The following DIAPH2 variants were observed in gnomAD, a reference collection of about 807,000 sequenced individuals.
DIAPH2 encodes the protein diaphanous related formin 2, also known as protein diaphanous homolog 2.
DIAPH2 carries 35 observed loss-of-function variants against 92.7 expected under a neutral mutation model. That is an observed-to-expected ratio of 0.38 (90% CI 0.29 to 0.50). The LOEUF (loss-of-function observed/expected upper bound fraction) is 0.50, where lower values mean the gene tolerates loss of function less well. Among genes scored for constraint, DIAPH2 ranks in the 20% least tolerant of loss-of-function variants. The probability of loss-of-function intolerance (pLI) is 0.94; values close to 1 mark genes in which losing one functional copy is unlikely to be tolerated. For missense variants in DIAPH2, 701 were observed against 819.5 expected (o/e 0.86, Z 1.77); for synonymous variants, 301 against 280.4 (o/e 1.07, Z -0.73).
At chrX:96,988,426 C>CTTTTT (rs1174961716) in intron 17 of DIAPH2, among the ~76,000 whole-genome samples, 1 of 103,697 alleles carries the variant, frequency 9.6e-6, no homozygotes, top group Admixed American at 1.0e-4. Context: ...GGATGCAGTA[C>CTTTTT]TTTTTTTTTT....
At chrX:97,546,729 G>T (rs1048291603) in intron 26 of DIAPH2, among the ~76,000 whole-genome samples, 5 of 110,593 alleles carry the variant, frequency 4.5e-5, no homozygotes, top group African/African-American at 1.6e-4. Context: ...CCAGCTACTC[G>T]GGAGGCTGAG....
chrX:97,457,246 C>T (rs1450011961), intron 26 of DIAPH2, among the ~76,000 whole-genome samples: 1 of 111,954 alleles, frequency 8.9e-6, no homozygotes, highest in Non-Finnish European at 1.9e-5. Flanking sequence ...TTCTCCAACT[C>T]CTGAGCTCAA....
At chrX:96,694,944 G>T (rs1485844345) in intron 1 of DIAPH2, among the ~76,000 whole-genome samples, 1 of 107,176 alleles carries the variant, frequency 9.3e-6, no homozygotes, top group Non-Finnish European at 1.9e-5. Flanking sequence ...ACTAGCTAAT[G>T]GTCTTTTTTT....
At chrX:96,814,441 G>T (rs2064714168) in intron 4 of DIAPH2, among the ~76,000 whole-genome samples, 1 of 111,341 alleles carries the variant, frequency 9.0e-6, no homozygotes, top group Non-Finnish European at 1.9e-5. Context: ...TTTTTTCTAG[G>T]TTTTTAGCTT....
chrX:97,462,660 A>G (rs1246388648), intron 26 of DIAPH2, among the ~76,000 whole-genome samples: 2 of 111,812 alleles, frequency 1.8e-5, no homozygotes, highest in South Asian at 3.8e-4. Context: ...GGCTTAAGCT[A>G]TTATCTGTCA....
intron 26 of DIAPH2, among the ~76,000 whole-genome samples, chrX:97,438,137 G>GA (rs201855867): frequency 6.5e-5 from 6 of 93,017 alleles, no homozygotes; most frequent in Admixed American, 1.2e-4. Context: ...AAAAAAAAAA[G>GA]AAAAAAAAAA....
intron 9 of DIAPH2, among the ~76,000 whole-genome samples, chrX:96,920,835 C>A (rs1389828961): frequency 8.9e-6 from 1 of 111,939 alleles, no homozygotes; most frequent in Non-Finnish European, 1.9e-5. Context: ...CATATGCAGA[C>A]CACAATTTAA....
At chrX:97,119,507 G>A (rs1482417845) in intron 21 of DIAPH2, among the ~76,000 whole-genome samples, 1 of 112,083 alleles carries the variant, frequency 8.9e-6, no homozygotes, top group East Asian at 2.8e-4. Context: ...GTGGTTTAAT[G>A]TTCTATTTTT....
intron 23 of DIAPH2, among the ~76,000 whole-genome samples, chrX:97,346,995 C>G (rs2069162801): frequency 9.1e-6 from 1 of 110,055 alleles, no homozygotes; most frequent in Admixed American, 9.8e-5. Context: ...TCACCTTCTT[C>G]CTTCTCTGTT....
At chrX:97,235,872 G>A (rs974143127) in intron 22 of DIAPH2, among the ~76,000 whole-genome samples, 2 of 111,485 alleles carry the variant, frequency 1.8e-5, no homozygotes, top group Admixed American at 1.9e-4. Flanking sequence ...GCTTTCAGTA[G>A]TGAGGAACTT....
At chrX:97,397,122 C>G (rs1477350159) in intron 25 of DIAPH2, among the ~76,000 whole-genome samples, 1 of 111,612 alleles carries the variant, frequency 9.0e-6, no homozygotes, top group Non-Finnish European at 1.9e-5. Flanking sequence ...TTTAAGAAAG[C>G]AATTATACCT....
intron 4 of DIAPH2, among the ~76,000 whole-genome samples, chrX:96,836,033 T>C (rs1406777784): frequency 9.0e-6 from 1 of 111,024 alleles, no homozygotes; most frequent in Non-Finnish European, 1.9e-5. Flanking sequence ...CAGGCTGTTC[T>C]CAAACTCCTG....
At chrX:96,902,959 TC>T (rs2065408369) in intron 5 of DIAPH2, among the ~76,000 whole-genome samples, 1 of 111,589 alleles carries the variant, frequency 9.0e-6, no homozygotes, top group Non-Finnish European at 1.9e-5. Flanking sequence ...GCTAAAAATG[TC>T]TGTGAACATT....
chrX:97,441,271 CG>C (rs1447837226), intron 26 of DIAPH2, among the ~76,000 whole-genome samples: 2 of 109,817 alleles, frequency 1.8e-5, no homozygotes, highest in African/African-American at 6.6e-5. Context: ...CAAAATTAGC[CG>C]GGCATGGTGG....
intron 23 of DIAPH2, among the ~76,000 whole-genome samples, chrX:97,312,345 C>CTTTTT (rs56309139): frequency 1.8e-5 from 1 of 54,947 alleles, no homozygotes; most frequent in African/African-American, 7.7e-5. Context: ...CAATAGAATC[C>CTTTTT]TTTTTTTTTT....
chrX:96,816,269 G>C (rs931253808), intron 4 of DIAPH2, among the ~76,000 whole-genome samples: 3 of 111,875 alleles, frequency 2.7e-5, no homozygotes, highest in Non-Finnish European at 5.6e-5. Context: ...TGGCTACAAT[G>C]AATAATGCTG....
chrX:97,321,349 G>A (rs1161976622), intron 23 of DIAPH2, among the ~76,000 whole-genome samples: 2 of 109,608 alleles, frequency 1.8e-5, no homozygotes, highest in Non-Finnish European at 3.8e-5. Context: ...ACCCCTTAAC[G>A]CACAACAAAA....
At position 97,296,597 on chromosome X, in the gene DIAPH2, G is replaced by C. The variant is rs180888640; in HGVS notation, c.2844+48758G>C. ...TTTTATGTGTCATTGGCGTGATTGTGATTTTACACCATAATTTCCCAATGT... is the reference window on the plus strand; with the variant it reads ...TTTTATGTGTCATTGGCGTGATTGTCATTTTACACCATAATTTCCCAATGT... On this transcript the variant is annotated intron_variant, in intron 23 of 26. Coordinates refer to ENST00000324765, the MANE Select transcript of DIAPH2 (RefSeq NM_006729.5). 9.7e-4 allele frequency among the ~76,000 whole-genome samples: 108 copies of C among 111,318 alleles called. 1 individual carries two copies. Among genetic ancestry groups the C allele is most frequent in the Admixed American group, 1.2e-3 (12 of 10,378 alleles).
chrX:97,553,958 T>C (rs190332681), intron 26 of DIAPH2, among the ~76,000 whole-genome samples: 7 of 112,034 alleles, frequency 6.2e-5, no homozygotes, highest in African/African-American at 2.3e-4. Flanking sequence ...CATACACTAG[T>C]ACATGTGTAT....
Sources: allele counts gnomAD v4.1 joint callset (sites outside exome capture counted in the v4.1 genomes callset), GRCh38; gene constraint gnomAD v4.1.1; transcripts MANE v1.5; gene names NCBI Gene and HGNC (gene_info 2026-07-23, HGNC 2026-07-21).